SV2C: variants seen among roughly 807,000 people sequenced by gnomAD.
SV2C encodes synaptic vesicle glycoprotein 2C.
Under a neutral mutation model 79.7 loss-of-function variants are expected in SV2C, and 49 were observed. The observed-to-expected ratio is 0.61, with a 90% confidence interval of 0.49 to 0.78. The LOEUF (loss-of-function observed/expected upper bound fraction) is 0.78. Among genes scored for constraint, SV2C ranks in the 30% least tolerant of loss-of-function variants. SV2C has a pLI of 0.00. For missense variants in SV2C, 833 were observed against 912.9 expected (o/e 0.91, Z 1.13); for synonymous variants, 334 against 333.2 (o/e 1.00, Z -0.03).
At chr5:76,064,645 C>T in the SV2C span, among the ~76,000 whole-genome samples, 1 of 152,038 alleles carries the variant, frequency 6.6e-6, no homozygotes, top group South Asian at 2.1e-4. Context: ...AATTCAAATA[C>T]CAAGGAAGGG....
chr5:76,257,925 A>ATGTGTGTGGTG (rs1326392008), intron 4 of SV2C, among the ~76,000 whole-genome samples: 1 of 110,972 alleles, frequency 9.0e-6, no homozygotes, highest in Non-Finnish European at 1.9e-5. Flanking sequence ...TGGTGTGTGT[A>ATGTGTGTGGTG]TGTGTATGTG....
intron 12 of SV2C, among the ~76,000 whole-genome samples, chr5:76,322,085 C>A (rs1444992936): frequency 6.6e-6 from 1 of 152,166 alleles, no homozygotes; most frequent in Non-Finnish European, 1.5e-5. Flanking sequence ...TATAACCTCA[C>A]CCTCCCTAAT....
the SV2C span, among the ~76,000 whole-genome samples, chr5:75,904,734 C>T: frequency 5.3e-5 from 8 of 152,204 alleles, no homozygotes; most frequent in East Asian, 1.9e-4. Context: ...TCTAGATAAA[C>T]GTAGACATAG....
chr5:76,285,614 C>G, intron 5 of SV2C, 167 bp from the exon 6 acceptor site: 1 of 628,870 alleles, frequency 1.6e-6, no homozygotes. Context: ...TTGAACTGCT[C>G]ATGTATTCAG....
intron 1 of SV2C, among the ~76,000 whole-genome samples, chr5:76,129,031 C>T (rs1748797500): frequency 6.6e-6 from 1 of 152,132 alleles, no homozygotes; most frequent in Non-Finnish European, 1.5e-5. Context: ...TATAACTCTG[C>T]CCCTGAACAG....
intron 2 of SV2C, 36 bp downstream of exon 2, chr5:76,132,366 C>T: frequency 6.4e-7 from 1 of 1,558,722 alleles, no homozygotes; most frequent in Non-Finnish European, 8.7e-7. Flanking sequence ...AACTCTGAAA[C>T]TGGCTTATTT....
At chr5:75,918,509 T>C in the SV2C span, among the ~76,000 whole-genome samples, 1 of 152,196 alleles carries the variant, frequency 6.6e-6, no homozygotes, top group Non-Finnish European at 1.5e-5. Flanking sequence ...AGTTTAGAAA[T>C]ATGAGGAAGA....
At chr5:76,010,996 T>G in the SV2C span, among the ~76,000 whole-genome samples, 1 of 152,180 alleles carries the variant, frequency 6.6e-6, no homozygotes, top group Non-Finnish European at 1.5e-5. Context: ...GCTGCGTGTT[T>G]TCAAAGAGCA....
Position 76,285,149 on chromosome 5 carries a change from C to G in SV2C, c.914-13C>G. 1 of 1,613,748 alleles carries G rather than the reference C, an allele frequency of 6.2e-7. No individual in the cohort carries two copies. The highest frequency in any genetic ancestry group is 8.5e-7 in the Non-Finnish European group (1 of 1,179,796). The stretch of plus-strand genomic sequence containing the variant: ...AGGAGCTCTCCCTCACTCTCCGTGT[C>G]CTCCTTTTCCAGGGTGGAGCTTCAG... On this transcript the variant is annotated splice_polypyrimidine_tract_variant and intron_variant, in intron 4 of 12. Coordinates refer to ENST00000502798, the MANE Select transcript of SV2C (RefSeq NM_014979.4).
chr5:76,100,001 C>A (rs1388618963), intron 1 of SV2C, among the ~76,000 whole-genome samples: 1 of 152,144 alleles, frequency 6.6e-6, no homozygotes, highest in East Asian at 1.9e-4. Flanking sequence ...GCCATGTCAG[C>A]AAATTGGCCA....
At chr5:76,049,838 T>G in the SV2C span, among the ~76,000 whole-genome samples, 1 of 152,242 alleles carries the variant, frequency 6.6e-6, no homozygotes, top group East Asian at 1.9e-4. Context: ...GTAATAAAAC[T>G]TCTATAGTTA....
the SV2C span, among the ~76,000 whole-genome samples, chr5:75,995,842 T>C: frequency 1.3e-5 from 2 of 152,098 alleles, no homozygotes; most frequent in Admixed American, 6.6e-5. Flanking sequence ...TTTTCATACA[T>C]CTTCCAAGAA....
At chr5:76,239,983 C>T (rs1745732361) in intron 4 of SV2C, among the ~76,000 whole-genome samples, 1 of 152,174 alleles carries the variant, frequency 6.6e-6, no homozygotes, top group Admixed American at 6.5e-5. Flanking sequence ...AAATATTTTC[C>T]TCCCTGTCTT....
At chr5:76,007,504 A>G in the SV2C span, among the ~76,000 whole-genome samples, 1 of 152,138 alleles carries the variant, frequency 6.6e-6, no homozygotes. Flanking sequence ...TGGGTATTCA[A>G]TAAACATTGG....
At chr5:76,036,211 G>A in the SV2C span, among the ~76,000 whole-genome samples, 1 of 151,718 alleles carries the variant, frequency 6.6e-6, no homozygotes, top group Non-Finnish European at 1.5e-5. Flanking sequence ...TTGCCAGTCT[G>A]TGTCTTTTAA....
At chr5:76,136,177 C>A (rs994198421) in intron 2 of SV2C, among the ~76,000 whole-genome samples, 2 of 152,228 alleles carry the variant, frequency 1.3e-5, no homozygotes, top group Non-Finnish European at 2.9e-5. Context: ...TAAACCTGAG[C>A]TAATTAATAG....
At chr5:76,337,211 CA>C (rs1161000460), downstream of SV2C, among the ~76,000 whole-genome samples, 1 of 152,048 alleles carries the variant, frequency 6.6e-6, no homozygotes, top group Non-Finnish European at 1.5e-5. Flanking sequence ...GGGTTTTTCT[CA>C]GGACTCTCTC....
chr5:75,851,953 G>C, the SV2C span, among the ~76,000 whole-genome samples: 1 of 152,184 alleles, frequency 6.6e-6, no homozygotes, highest in Non-Finnish European at 1.5e-5. Context: ...GTGAGCCACC[G>C]CGCCTGGCCG....
the SV2C span, among the ~76,000 whole-genome samples, chr5:75,893,996 A>G: frequency 6.6e-6 from 1 of 152,096 alleles, no homozygotes; most frequent in Non-Finnish European, 1.5e-5. Flanking sequence ...GAACCAGATC[A>G]TGGAGAATTT....
Sources: gnomAD v4.1 joint callset for allele counts (sites outside exome capture counted in the v4.1 genomes callset) on GRCh38, gnomAD v4.1.1 for gene constraint, MANE v1.5 for transcripts, NCBI Gene and HGNC (gene_info 2026-07-23, HGNC 2026-07-21) for gene names.